ZEB1: variants seen among roughly 807,000 people sequenced by gnomAD.
The protein encoded by ZEB1 is zinc finger E-box-binding homeobox 1.
In ZEB1, 21 loss-of-function variants were observed where a neutral mutation model predicts 84.9. The observed-to-expected ratio is 0.25, with a 90% CI of 0.18 to 0.36. The LOEUF is 0.36. Among genes scored for constraint, ZEB1 ranks in the 10% least tolerant of loss-of-function variants. The pLI, the probability that ZEB1 is intolerant of heterozygous loss-of-function variation, is 1.00. For synonymous variants in ZEB1, 420 were observed against 471.1 expected (o/e 0.89, Z 1.41); for missense variants, 1,104 against 1,330.2 (o/e 0.83, Z 2.65).
chr10:31,341,289 T>G (rs1308875022), intron 1 of ZEB1, among the ~76,000 whole-genome samples: 1 of 151,572 alleles, frequency 6.6e-6, no homozygotes, highest in Non-Finnish European at 1.5e-5. Flanking sequence ...GAAGAGGGAG[T>G]AGATTTCAGA....
At chr10:31,322,651 A>G (rs1401327167) in intron 1 of ZEB1, among the ~76,000 whole-genome samples, 1 of 152,184 alleles carries the variant, frequency 6.6e-6, no homozygotes, top group Non-Finnish European at 1.5e-5. Context: ...AATTGCTTGA[A>G]TTAGTTTTTA....
At chr10:31,503,610 T>C (rs533943977) in intron 4 of ZEB1, among the ~76,000 whole-genome samples, 9 of 152,182 alleles carry the variant, frequency 5.9e-5, no homozygotes, top group African/African-American at 2.2e-4. Context: ...GATCATATAA[T>C]AGTTCTATTT....
intron 1 of ZEB1, among the ~76,000 whole-genome samples, chr10:31,371,159 G>T (rs1161110608): frequency 6.6e-6 from 1 of 151,672 alleles, no homozygotes; most frequent in African/African-American, 2.4e-5. Context: ...TATTCACACC[G>T]AGAGGATCAT....
rs182274945 is a variant in ZEB1, at chr10:31,489,765, C to T, written c.260-6011C>T. On this transcript the variant is annotated intron_variant, in intron 2 of 8. Transcript: ENST00000424869. ...TTTCATGTAAGTCTTGTTATTCTCC[C>T]TCCTTTATTTTATAGTTTTTATATG... Among the ~76,000 whole-genome samples the T allele has an allele frequency of 4.6e-5, 7 of 151,268 alleles. No individual in the cohort carries two copies. The East Asian group carries it at 1.4e-3, about 29-fold the overall frequency.
At chr10:31,390,125 G>T (rs1409081210) in intron 1 of ZEB1, among the ~76,000 whole-genome samples, 2 of 152,136 alleles carry the variant, frequency 1.3e-5, no homozygotes, top group Admixed American at 6.5e-5. Context: ...ACAAATAATG[G>T]TTTAGTGTAA....
intron 1 of ZEB1, among the ~76,000 whole-genome samples, chr10:31,410,859 T>C (rs372542150): frequency 2.6e-5 from 4 of 152,228 alleles, no homozygotes; most frequent in East Asian, 1.9e-4. Flanking sequence ...ATATCCCCTT[T>C]ATCATTTTTT....
chr10:31,403,629 G>GTT (rs1354309475), intron 1 of ZEB1, among the ~76,000 whole-genome samples: 4 of 151,918 alleles, frequency 2.6e-5, no homozygotes, highest in African/African-American at 4.8e-5. Flanking sequence ...TGCTAGCTAA[G>GTT]ACAAAATAAT....
intron 3 of ZEB1, among the ~76,000 whole-genome samples, chr10:31,500,162 G>T (rs2067913895): frequency 6.6e-6 from 1 of 151,966 alleles, no homozygotes; most frequent in African/African-American, 2.4e-5. Flanking sequence ...ACTCTACATG[G>T]AATCTGTAAG....
intron 1 of ZEB1, among the ~76,000 whole-genome samples, chr10:31,403,813 A>G (rs530979463): frequency 6.6e-6 from 1 of 152,134 alleles, no homozygotes; most frequent in South Asian, 2.1e-4. Context: ...GTACTTCTTA[A>G]CATCTCTTAT....
At chr10:31,461,371 C>A in intron 2 of ZEB1, 134 bp downstream of exon 2, 1 of 897,752 alleles carries the variant, frequency 1.1e-6, no homozygotes, top group Non-Finnish European at 1.7e-6. Flanking sequence ...ATTAGGTGTC[C>A]TACTTACTAA....
At chr10:31,363,976 C>T (rs943378267) in intron 1 of ZEB1, among the ~76,000 whole-genome samples, 3 of 152,186 alleles carry the variant, frequency 2.0e-5, no homozygotes, top group Non-Finnish European at 1.5e-5. Context: ...ACGGACAAGA[C>T]GAGCAGGTTG....
At chr10:31,391,330 C>T (rs779719671) in intron 1 of ZEB1, among the ~76,000 whole-genome samples, 1 of 150,462 alleles carries the variant, frequency 6.6e-6, no homozygotes. Flanking sequence ...AAATATTGCC[C>T]CTCCCCCAAA....
chr10:31,356,348 A>ATG lies in ZEB1; in HGVS notation c.58+37060_58+37061dup, dbSNP rs201536608. On this transcript the variant is annotated intron_variant, in intron 1 of 8. Transcript: ENST00000424869. ...ACATAAGTAATTTTGGACATATATG[A>ATG]TGTGTATATATATATATATATAGTG... is the stretch of plus-strand genomic sequence containing the variant. Among the ~76,000 whole-genome samples, 205 of 134,626 alleles carry ATG rather than the reference A, an allele frequency of 1.5e-3. 2 individuals are homozygous for ATG. The highest frequency in any genetic ancestry group is 3.1e-3 in the African/African-American group (82 of 26,366). The allele number at this position is 134,626 out of a possible 152,430, so 88.3% of individuals were successfully genotyped here.
At chr10:31,460,154 A>C (rs1241886935) in intron 1 of ZEB1, among the ~76,000 whole-genome samples, 1 of 152,040 alleles carries the variant, frequency 6.6e-6, no homozygotes, top group East Asian at 1.9e-4. Context: ...AGGACTCTAA[A>C]GGAAAACATT....
At chr10:31,349,080 C>T (rs1030220578) in intron 1 of ZEB1, among the ~76,000 whole-genome samples, 2 of 152,132 alleles carry the variant, frequency 1.3e-5, no homozygotes, top group Non-Finnish European at 2.9e-5. Flanking sequence ...CCCACCCCTT[C>T]TACACCCCAG....
At chr10:31,438,373 A>G (rs1039927432) in intron 1 of ZEB1, among the ~76,000 whole-genome samples, 3 of 152,254 alleles carry the variant, frequency 2.0e-5, no homozygotes, top group Non-Finnish European at 4.4e-5. Flanking sequence ...TAAAATAAAA[A>G]TTGTTTTATT....
chr10:31,347,145 T>G (rs1001399741), intron 1 of ZEB1, among the ~76,000 whole-genome samples: 7 of 152,098 alleles, frequency 4.6e-5, no homozygotes, highest in African/African-American at 1.4e-4. Flanking sequence ...TCGAGGCAGG[T>G]TTTTCTTCCC....
At chr10:31,424,628 C>T (rs919205767) in intron 1 of ZEB1, among the ~76,000 whole-genome samples, 2 of 151,892 alleles carry the variant, frequency 1.3e-5, no homozygotes, top group African/African-American at 2.4e-5. Context: ...TTATAATCAA[C>T]TCTGTGGAAG....
upstream of ZEB1, chr10:31,319,114 C>T: frequency 4.3e-6 from 3 of 705,638 alleles, no homozygotes; most frequent in South Asian, 1.6e-5. Flanking sequence ...TGTCGTAAAG[C>T]CGGGAGTGTC....
Sources: allele counts gnomAD v4.1 joint callset (sites outside exome capture counted in the v4.1 genomes callset), GRCh38; gene constraint gnomAD v4.1.1; transcripts MANE v1.5; gene names NCBI Gene and HGNC (gene_info 2026-07-23, HGNC 2026-07-21).